Variants in SPARCL1 observed in about 807,000 individuals in gnomAD.
SPARCL1 encodes SPARC like 1.
SPARCL1 carries 52 observed loss-of-function variants against 67.1 expected under a neutral mutation model. That is an observed-to-expected ratio of 0.78 (90% confidence interval 0.62 to 0.98). SPARCL1 has a LOEUF of 0.98. Ranked by LOEUF, SPARCL1 falls within the 50% of genes least tolerant of loss-of-function variation. The pLI, the probability that SPARCL1 is intolerant of heterozygous loss-of-function variation, is 0.00. For synonymous variants in SPARCL1, 226 were observed against 267.8 expected (o/e 0.84, Z 1.52); for missense variants, 717 against 782.4 (o/e 0.92, Z 1.00).
intron 10 of SPARCL1, among the ~76,000 whole-genome samples, chr4:87,478,170 T>C (rs776726021): frequency 2.6e-5 from 4 of 152,182 alleles, no homozygotes; most frequent in Admixed American, 2.0e-4. Context: ...ATTGTAAACA[T>C]GAATGAAATC....
At chr4:87,497,647 T>C (rs1359067597) in intron 2 of SPARCL1, among the ~76,000 whole-genome samples, 1 of 152,248 alleles carries the variant, frequency 6.6e-6, no homozygotes, top group African/African-American at 2.4e-5. Context: ...TATGAGAAGA[T>C]ACTTAGCTTT....
chr4:87,525,846 G>A (rs1177318395), intron 1 of SPARCL1, among the ~76,000 whole-genome samples: 2 of 152,134 alleles, frequency 1.3e-5, no homozygotes, highest in African/African-American at 2.4e-5. Context: ...TCATTGCTAT[G>A]ACGACAGCCT....
intron 10 of SPARCL1, among the ~76,000 whole-genome samples, chr4:87,478,273 AT>A (rs1723660381): frequency 6.6e-6 from 1 of 152,070 alleles, no homozygotes. Context: ...TAAAAATGGT[AT>A]GTATTTATCA....
chr4:87,479,666 A>G, intron 9 of SPARCL1, 88 bp from the exon 10 acceptor site: 1 of 1,304,540 alleles, frequency 7.7e-7, no homozygotes, highest in Admixed American at 2.0e-5. Flanking sequence ...TTTTTCTCCC[A>G]TAAGGTTGCT....
At chr4:87,482,346 AGG>A in intron 8 of SPARCL1, 76 bp downstream of exon 8, 1 of 1,483,488 alleles carries the variant, frequency 6.7e-7, no homozygotes, top group South Asian at 1.2e-5. Context: ...ATGCAGAGGT[AGG>A]TAGCCCCCCC....
chr4:87,521,152 T>C (rs998962534), intron 1 of SPARCL1, among the ~76,000 whole-genome samples: 1 of 152,234 alleles, frequency 6.6e-6, no homozygotes, highest in Non-Finnish European at 1.5e-5. Context: ...TTGTATTTGA[T>C]TTATTTTCAG....
chr4:87,499,642 G>C, intron 1 of SPARCL1, 57 bp from the exon 2 acceptor site: 1 of 1,262,412 alleles, frequency 7.9e-7, no homozygotes, highest in East Asian at 2.4e-5. Context: ...ATGAAAAACT[G>C]AAAGATAGTC....
intron 1 of SPARCL1, among the ~76,000 whole-genome samples, chr4:87,512,840 T>C (rs565059029): frequency 6.6e-6 from 1 of 152,316 alleles, no homozygotes; most frequent in African/African-American, 2.4e-5. Flanking sequence ...CAATATTTCA[T>C]AACAATTAAA....
rs1723443217 is a variant in SPARCL1 at position 87,473,755 on chromosome 4, G to T, written c.*20C>A. 1 of 1,594,032 alleles carries T rather than the reference G, an allele frequency of 6.3e-7. No individual in the cohort carries two copies. The highest frequency in any genetic ancestry group is 1.1e-5 in the South Asian group (1 of 89,896). On this transcript the variant is annotated 3_prime_UTR_variant, in exon 11 of 11. Coordinates refer to ENST00000282470, the MANE Select transcript of SPARCL1 (RefSeq NM_004684.6). ...GAACAGAGGAGGATGCTGGAAAGTT[G>T]AGTTCTTTAAAATCTTCGTTCAAAA...
intron 1 of SPARCL1, among the ~76,000 whole-genome samples, chr4:87,526,124 C>T (rs1353389844): frequency 6.6e-6 from 1 of 152,106 alleles, no homozygotes; most frequent in Non-Finnish European, 1.5e-5. Flanking sequence ...AGCAGCATTT[C>T]TTCTCACTCT....
intron 1 of SPARCL1, among the ~76,000 whole-genome samples, chr4:87,510,799 T>G (rs1012275783): frequency 6.6e-6 from 1 of 152,232 alleles, no homozygotes; most frequent in African/African-American, 2.4e-5. Context: ...TTGCCCTACG[T>G]GATGAGGCAA....
At chr4:87,474,804 GCA>G in intron 10 of SPARCL1, among the ~76,000 whole-genome samples, 1 of 146,180 alleles carries the variant, frequency 6.8e-6, no homozygotes, top group South Asian at 2.1e-4. Flanking sequence ...CTGAAGTGGC[GCA>G]GTCTCGGCTC....
chr4:87,519,895 A>G (rs1375567025), intron 1 of SPARCL1, among the ~76,000 whole-genome samples: 3 of 152,220 alleles, frequency 2.0e-5, no homozygotes, highest in South Asian at 4.1e-4. Flanking sequence ...CACTAACCTC[A>G]AGCAAACAGG....
At chr4:87,474,743 C>CTCTTTTTT (rs759777270) in intron 10 of SPARCL1, among the ~76,000 whole-genome samples, 1 of 130,712 alleles carries the variant, frequency 7.7e-6, no homozygotes, top group African/African-American at 3.0e-5. Context: ...CTCTCTCTCT[C>CTCTTTTTT]TTTTTTTTTT....
Position 87,474,020 on chromosome 4 carries a change from A to T in SPARCL1, c.1967-217T>A, listed in dbSNP as rs1723459625. The stretch of plus-strand genomic sequence containing the variant: ...CTAGAATCAGAATCCCTAGGGGTGG[A>T]CTAATGGCATGTAGACGTTTAGAAA... On this transcript the variant is annotated intron_variant, in intron 10 of 10. Transcript: ENST00000282470. Among the ~76,000 whole-genome samples, 3 of 152,330 alleles carry T rather than the reference A, an allele frequency of 2.0e-5. No homozygotes were observed. The South Asian group carries it at 6.2e-4, about 32-fold the overall frequency.
In SPARCL1 at chr4:87,498,004, T is replaced by C. The variant is rs553865065; in HGVS notation, c.54+1517A>G. Among the ~76,000 whole-genome samples the C allele has an allele frequency of 4.6e-5, 7 of 152,188 alleles. 1 individual carries two copies. The South Asian group carries it at 1.5e-3, about 32-fold the overall frequency. On this transcript the variant is annotated intron_variant, in intron 2 of 10. Transcript: ENST00000282470. ...GAACTCTTGGGCTCAAGCGATCCTC[T>C]GGCCTTGACCTCCCAAAGTGCTGGG...
intron 6 of SPARCL1, 86 bp from the exon 7 acceptor site, chr4:87,490,479 A>T: frequency 6.9e-7 from 1 of 1,448,802 alleles, no homozygotes; most frequent in Non-Finnish European, 9.3e-7. Flanking sequence ...TATGCTGATA[A>T]CAGCGCTGTG....
rs768535453 is a variant in SPARCL1, at chr4:87,494,554, T to G, written c.246A>C (p.Glu82Asp). 6.2e-7 allele frequency: 1 copy of G among 1,612,128 alleles called. No homozygotes were observed. Among genetic ancestry groups the G allele is most frequent in the South Asian group, 1.1e-5 (1 of 90,630 alleles). Residue 82 changes from glutamate (E) to aspartate (D), a missense_variant, in exon 4 of 11, where the codon GAA becomes GAC. By Grantham distance (45) the Glu-to-Asp change is conservative. Coordinates refer to ENST00000282470, the MANE Select transcript of SPARCL1 (RefSeq NM_004684.6). ...AACTCTTGCCCTGTTCTGCTGACTG[T>G]TCATGGCTTTCCTCTTTTGACTTTA... is the stretch of plus-strand genomic sequence containing the variant. ...SVLKSKEESH[E>D]QSAEQGKSSS...
At position 87,479,507 on chromosome 4, in the gene SPARCL1, A is replaced by T. The variant is rs1244608610; in HGVS notation, c.1889T>A (p.Phe630Tyr). 3.1e-6 allele frequency: 5 copies of T among 1,614,010 alleles called. No homozygotes were observed. The highest frequency in any genetic ancestry group is 3.4e-6 in the Non-Finnish European group (4 of 1,180,032). ...LVPMEHCITR[F>Y]FEECDPNKDK... is the part of the protein sequence containing the mutation. ...CTTGTTGGGGTCACACTCCTCAAAG[A>T]AACGGGTTATGCAGTGTTCCATGGG... is the stretch of plus-strand genomic sequence containing the variant. The change falls in exon 10 of 11, where the codon TTC (phenylalanine) becomes TAC (tyrosine). Residue 630 changes from phenylalanine (F) to tyrosine (Y), a missense_variant. Phe to Tyr is a conservative substitution (Grantham distance 22). Coordinates refer to ENST00000282470, the MANE Select transcript of SPARCL1 (RefSeq NM_004684.6).
Sources: gnomAD v4.1 joint callset for allele counts (sites outside exome capture counted in the v4.1 genomes callset) on GRCh38, gnomAD v4.1.1 for gene constraint, MANE v1.5 for transcripts, NCBI Gene and HGNC (gene_info 2026-07-23, HGNC 2026-07-21) for gene names.